The following WWOX variants were observed in gnomAD, a reference collection of about 807,000 sequenced individuals.
WWOX encodes the protein WW domain-containing oxidoreductase.
A neutral mutation model predicts 46.2 loss-of-function variants in WWOX; 69 were observed. The ratio of observed to expected loss-of-function variants is 1.49; its 90% CI spans 1.23 to 1.82. The LOEUF (loss-of-function observed/expected upper bound fraction) is 1.82, where lower values mean the gene tolerates loss of function less well. WWOX is among the 40% of genes most tolerant of loss of function. The pLI, the probability that WWOX is intolerant of heterozygous loss-of-function variation, is 0.00. For synonymous variants in WWOX, 359 were observed against 202.6 expected, an observed-to-expected ratio of 1.77 and a Z score of -6.56; for missense variants, 919 against 542.6, an observed-to-expected ratio of 1.69 and a Z score of -6.89.
intron 8 of WWOX, among the ~76,000 whole-genome samples, chr16:78,669,273 G>A (rs2047405109): frequency 6.6e-6 from 1 of 152,250 alleles, no homozygotes; most frequent in Non-Finnish European, 1.5e-5. Context: ...AGTGTCCCAT[G>A]GCAGTGCCTA....
At chr16:78,230,053 T>C (rs1567443051) in intron 5 of WWOX, among the ~76,000 whole-genome samples, 2 of 152,064 alleles carry the variant, frequency 1.3e-5, no homozygotes, top group East Asian at 3.9e-4. Flanking sequence ...CTAATTTTTA[T>C]ATTTTTTGTG....
intron 8 of WWOX, among the ~76,000 whole-genome samples, chr16:78,620,691 G>GT (rs1567442340): frequency 7.7e-5 from 9 of 117,458 alleles, no homozygotes; most frequent in East Asian, 2.8e-4. Context: ...CAGGAAATAT[G>GT]GTTTTTTTTT....
intron 8 of WWOX, among the ~76,000 whole-genome samples, chr16:79,150,164 T>C (rs1001777576): frequency 6.6e-6 from 1 of 152,194 alleles, no homozygotes; most frequent in Admixed American, 6.5e-5. Context: ...TAGCAGAAGA[T>C]TAAAAATGAA....
chr16:79,198,162 T>TAAA, intron 8 of WWOX, among the ~76,000 whole-genome samples: 1 of 135,794 alleles, frequency 7.4e-6, no homozygotes. Flanking sequence ...CCGTCTCTAC[T>TAAA]AAAAAAAAAA....
intron 6 of WWOX, among the ~76,000 whole-genome samples, chr16:78,396,553 G>A (rs1280500683): frequency 6.6e-6 from 1 of 152,124 alleles, no homozygotes; most frequent in East Asian, 1.9e-4. Context: ...AATTACCCCA[G>A]GGTTGTCTTT....
At chr16:78,986,959 G>GA (rs1386686047) in intron 8 of WWOX, among the ~76,000 whole-genome samples, 1 of 152,072 alleles carries the variant, frequency 6.6e-6, no homozygotes, top group African/African-American at 2.4e-5. Flanking sequence ...GTCCCACCAA[G>GA]AGCATGGTCA....
intron 8 of WWOX, among the ~76,000 whole-genome samples, chr16:78,555,011 C>T (rs917460488): frequency 2.6e-5 from 4 of 152,158 alleles, no homozygotes; most frequent in African/African-American, 4.8e-5. Context: ...GCCTGGCAGA[C>T]AACTTCTGGC....
intron 8 of WWOX, among the ~76,000 whole-genome samples, chr16:78,610,119 T>C (rs1018546539): frequency 1.3e-5 from 2 of 152,240 alleles, no homozygotes; most frequent in African/African-American, 4.8e-5. Context: ...CCCTGCTTCA[T>C]TTTCAAGGTG....
chr16:78,564,017 C>T (rs761995899), intron 8 of WWOX, among the ~76,000 whole-genome samples: 2 of 152,264 alleles, frequency 1.3e-5, no homozygotes, highest in Non-Finnish European at 2.9e-5. Context: ...CTTCTGGGTG[C>T]GAACAAGCCC....
At chr16:78,180,080 C>T (rs962609761) in intron 5 of WWOX, among the ~76,000 whole-genome samples, 14 of 152,196 alleles carry the variant, frequency 9.2e-5, no homozygotes, top group African/African-American at 1.7e-4. Context: ...GTTGATGTTA[C>T]TGAAGTCTCC....
At chr16:78,993,611 C>T (rs938350703) in intron 8 of WWOX, among the ~76,000 whole-genome samples, 5 of 152,178 alleles carry the variant, frequency 3.3e-5, no homozygotes, top group Non-Finnish European at 5.9e-5. Context: ...TTGCGCTGTG[C>T]GGCTTGGCAT....
At chr16:78,153,962 T>C (rs1414181354) in intron 4 of WWOX, among the ~76,000 whole-genome samples, 1 of 152,094 alleles carries the variant, frequency 6.6e-6, no homozygotes, top group Non-Finnish European at 1.5e-5. Flanking sequence ...CCTTCATGTT[T>C]TTTGTGCCTG....
At chr16:78,125,934 C>T (rs1333321677) in intron 4 of WWOX, among the ~76,000 whole-genome samples, 4 of 151,368 alleles carry the variant, frequency 2.6e-5, no homozygotes, top group East Asian at 1.9e-4. Flanking sequence ...ATTTAGAAAG[C>T]GAAGAAAAAT....
chr16:78,955,283 C>G (rs1031507921), intron 8 of WWOX, among the ~76,000 whole-genome samples: 5 of 152,128 alleles, frequency 3.3e-5, no homozygotes, highest in East Asian at 3.9e-4. Context: ...CCCTCATGCC[C>G]TAAAATAGAT....
At chr16:79,171,176 C>T (rs1332049253) in intron 8 of WWOX, among the ~76,000 whole-genome samples, 10 of 152,172 alleles carry the variant, frequency 6.6e-5, no homozygotes, top group Admixed American at 6.5e-4. Context: ...GGGAGACACA[C>T]ATAGCGACAG....
intron 8 of WWOX, among the ~76,000 whole-genome samples, chr16:78,860,533 C>G (rs1265201180): frequency 6.6e-6 from 1 of 152,098 alleles, no homozygotes; most frequent in Non-Finnish European, 1.5e-5. Context: ...TATCATGTGC[C>G]AGACATTGTT....
chr16:78,802,831 G>C (rs2050925295), intron 8 of WWOX, among the ~76,000 whole-genome samples: 1 of 144,646 alleles, frequency 6.9e-6, no homozygotes, highest in South Asian at 2.3e-4. Context: ...CAGGAGAATT[G>C]CTTGAACCCA....
At chr16:78,397,382 TAA>T (rs1158471622) in intron 6 of WWOX, among the ~76,000 whole-genome samples, 3 of 152,178 alleles carry the variant, frequency 2.0e-5, no homozygotes, top group Non-Finnish European at 2.9e-5. Flanking sequence ...ATAATGACTC[TAA>T]GAGTGGGTTA....
At chr16:78,912,211 C>G (rs2045129832) in intron 8 of WWOX, among the ~76,000 whole-genome samples, 1 of 152,010 alleles carries the variant, frequency 6.6e-6, no homozygotes, top group Admixed American at 6.6e-5. Flanking sequence ...AGGAACTGAA[C>G]AAAGCCCCAG....
Sources: gnomAD v4.1 joint callset for allele counts (sites outside exome capture counted in the v4.1 genomes callset) on GRCh38, gnomAD v4.1.1 for gene constraint, MANE v1.5 for transcripts, NCBI Gene and HGNC (gene_info 2026-07-23, HGNC 2026-07-21) for gene names.